ARID5B: variants seen among roughly 807,000 people sequenced by gnomAD.
ARID5B encodes the protein AT-rich interactive domain-containing protein 5B.
A neutral mutation model predicts 97.2 loss-of-function variants in ARID5B; 13 were observed. The observed-to-expected ratio is 0.13, with a 90% CI of 0.09 to 0.21. ARID5B has a LOEUF of 0.21. ARID5B is among the 10% of genes least tolerant of loss of function. The pLI, the probability that ARID5B is intolerant of heterozygous loss-of-function variation, is 1.00. For synonymous variants in ARID5B, 556 were observed against 570.3 expected, an observed-to-expected ratio of 0.97 and a Z score of 0.36; for missense variants, 1,210 against 1,465.3, an observed-to-expected ratio of 0.83 and a Z score of 2.84.
At chr10:61,993,748 T>C (rs962263980) in intron 3 of ARID5B, among the ~76,000 whole-genome samples, 2 of 152,204 alleles carry the variant, frequency 1.3e-5, no homozygotes, top group African/African-American at 4.8e-5. Flanking sequence ...TCAATAGCAG[T>C]AAGAATTGGA....
At chr10:62,036,708 A>G (rs1042811396) in intron 4 of ARID5B, among the ~76,000 whole-genome samples, 2 of 152,144 alleles carry the variant, frequency 1.3e-5, no homozygotes, top group South Asian at 2.1e-4. Flanking sequence ...CAGAGACCCA[A>G]ATGGAGGTAT....
chr10:61,981,675 G>A (rs187201943), intron 3 of ARID5B, among the ~76,000 whole-genome samples: 246 of 152,192 alleles, frequency 1.6e-3, no homozygotes, highest in Middle Eastern at 3.4e-3. Context: ...TTGGCAGTTT[G>A]CAAACTGGAC....
chr10:61,972,523 C>T (rs1329322467), intron 3 of ARID5B, among the ~76,000 whole-genome samples: 1 of 152,164 alleles, frequency 6.6e-6, no homozygotes, highest in Non-Finnish European at 1.5e-5. Flanking sequence ...GCCACCACTC[C>T]CGGCCTGTAT....
At chr10:62,059,349 C>A in intron 7 of ARID5B, 54 bp downstream of exon 7, 6 of 1,480,488 alleles carry the variant, frequency 4.1e-6, no homozygotes, top group Non-Finnish European at 4.7e-6. Flanking sequence ...CTTTTCCCCT[C>A]TCTTTGACCA....
At chr10:62,090,525 T>C (rs1779015742) in intron 9 of ARID5B, among the ~76,000 whole-genome samples, 1 of 152,214 alleles carries the variant, frequency 6.6e-6, no homozygotes, top group African/African-American at 2.4e-5. Context: ...ATTTGGATAA[T>C]TGACTGATTT....
In ARID5B at chr10:61,949,365, G is replaced by A. The variant is rs377017299; in HGVS notation, c.502+8957G>A. ...AAAGACCATGATGGAGGCTGGGCAC[G>A]GTGGCTCACGCCTATAATCCCAACA... On this transcript the variant is annotated intron_variant, in intron 3 of 9. Transcript: ENST00000279873. Among the ~76,000 whole-genome samples, 21 of 152,226 alleles carry A rather than the reference G, an allele frequency of 1.4e-4. 1 individual carries two copies. Among genetic ancestry groups the A allele is most frequent in the African/African-American group, 4.1e-4 (17 of 41,534 alleles).
intron 2 of ARID5B, among the ~76,000 whole-genome samples, chr10:61,923,773 ACT>A (rs759267137): frequency 7.2e-4 from 109 of 151,958 alleles, no homozygotes; most frequent in Non-Finnish European, 1.3e-3. Flanking sequence ...GGAGCAGGAG[ACT>A]CTGCCTGGGC....
At chr10:62,059,217 C>T (rs1350832547) in intron 6 of ARID5B, 26 bp from the exon 7 acceptor site, 1 of 1,580,264 alleles carries the variant, frequency 6.3e-7, no homozygotes, top group Non-Finnish European at 8.6e-7. Context: ...CAATGCTTAT[C>T]TAAATACTTA....
chr10:62,050,483 G>A (rs559578932), intron 4 of ARID5B, among the ~76,000 whole-genome samples: 114 of 152,184 alleles, frequency 7.5e-4, no homozygotes, highest in African/African-American at 2.6e-3. Context: ...ATACCATAAG[G>A]GCAGGCATGT....
intron 9 of ARID5B, among the ~76,000 whole-genome samples, chr10:62,086,343 A>G (rs1840280077): frequency 6.6e-6 from 1 of 151,968 alleles, no homozygotes. Context: ...TAATCCTAGC[A>G]CTCTGGGAGG....
At chr10:61,982,053 T>C (rs539492498) in intron 3 of ARID5B, among the ~76,000 whole-genome samples, 4 of 152,294 alleles carry the variant, frequency 2.6e-5, no homozygotes, top group Admixed American at 2.6e-4. Flanking sequence ...ATGAGACACT[T>C]TGAACAAAAT....
chr10:61,950,640 A>AG (rs1447964865), intron 3 of ARID5B, among the ~76,000 whole-genome samples: 1 of 152,192 alleles, frequency 6.6e-6, no homozygotes, highest in African/African-American at 2.4e-5. Flanking sequence ...ACTACACTCC[A>AG]GCCTGGGCAA....
intron 3 of ARID5B, among the ~76,000 whole-genome samples, chr10:61,992,977 T>C (rs979547616): frequency 1.3e-5 from 2 of 152,198 alleles, no homozygotes; most frequent in East Asian, 3.8e-4. Flanking sequence ...ATGAAATAGT[T>C]TGTGGCATTT....
At chr10:61,915,701 A>C (rs878890109) in intron 2 of ARID5B, among the ~76,000 whole-genome samples, 1 of 152,196 alleles carries the variant, frequency 6.6e-6, no homozygotes, top group Admixed American at 6.5e-5. Context: ...AGCTAAGGCA[A>C]ACTAAGGCCC....
In ARID5B at chr10:62,069,935, C is replaced by A. The variant is rs906786492; in HGVS notation, c.1199+138C>A. ...TCCCTCTGGCATTTTACTTTGCATA[C>A]CGCCTTGTGATTTTTAGGGAACATG... On this transcript the variant is annotated intron_variant, in intron 8 of 9. Coordinates refer to ENST00000279873, the MANE Select transcript of ARID5B (RefSeq NM_032199.3). 1.3e-5 allele frequency: 10 copies of A among 748,690 alleles called. No homozygotes were observed. The African/African-American group carries it at 1.4e-4, about 11-fold the overall frequency. The allele number at this position is 748,690 out of a possible 1,614,324, so 46.4% of individuals were successfully genotyped here.
intron 3 of ARID5B, among the ~76,000 whole-genome samples, chr10:61,995,949 G>T (rs1262484307): frequency 6.6e-6 from 1 of 152,120 alleles, no homozygotes; most frequent in Non-Finnish European, 1.5e-5. Context: ...CAAACGGGAG[G>T]TTCTGTTCAT....
intron 4 of ARID5B, among the ~76,000 whole-genome samples, chr10:62,034,754 T>C (rs1839539971): frequency 1.3e-5 from 2 of 152,274 alleles, no homozygotes; most frequent in African/African-American, 4.8e-5. Context: ...TCCTATTTTA[T>C]TGATCTTTGT....
chr10:61,902,078 T>A, intron 1 of ARID5B, 81 bp from the exon 2 acceptor site: 1 of 1,533,874 alleles, frequency 6.5e-7, no homozygotes, highest in Non-Finnish European at 8.9e-7. Context: ...AGTGGATGTC[T>A]GTGTGTAAAT....
At chr10:62,050,158 C>A (rs1564636866) in intron 4 of ARID5B, among the ~76,000 whole-genome samples, 2 of 152,030 alleles carry the variant, frequency 1.3e-5, no homozygotes, top group Admixed American at 6.6e-5. Flanking sequence ...AAAAGTGTAA[C>A]CCCCATGGAA....
Sources: gnomAD v4.1 joint callset for allele counts (sites outside exome capture counted in the v4.1 genomes callset) on GRCh38, gnomAD v4.1.1 for gene constraint, MANE v1.5 for transcripts, NCBI Gene and HGNC (gene_info 2026-07-23, HGNC 2026-07-21) for gene names.